The following TBC1D9 variants were observed in gnomAD, a reference collection of about 807,000 sequenced individuals.
The protein encoded by TBC1D9 is TBC1 domain family member 9A.
Under a neutral mutation model 132.0 loss-of-function variants are expected in TBC1D9, and 63 were observed. The observed-to-expected ratio is 0.48, with a 90% CI of 0.39 to 0.59. The LOEUF is 0.59. TBC1D9 is among the 20% of genes least tolerant of loss of function. The pLI is 0.00. For synonymous variants in TBC1D9, 610 were observed against 609.9 expected (o/e 1.00, Z 0.00); for missense variants, 1,261 against 1,592.7 (o/e 0.79, Z 3.54).
At position 140,639,121 on chromosome 4, in the gene TBC1D9, T is replaced by C. The variant is rs1218528590; in HGVS notation, c.2470A>G (p.Ile824Val). 2 of 1,589,966 alleles carry C rather than the reference T, an allele frequency of 1.3e-6. No homozygotes were observed. The highest frequency in any genetic ancestry group is 8.6e-7 in the Non-Finnish European group (1 of 1,166,922). ...GCATAAAGTTCTTCCAGCTCATCAA[T>C]GGTAAAGGAAGTTTCTGTCACAATG... ...RTIVTETSFT[I>V]DELEELYALF... The change falls in exon 15 of 21, where the codon ATT becomes GTT. Residue 824 changes from isoleucine to valine, a missense_variant. Physicochemically the swap from Ile to Val is conservative, Grantham distance 29. This residue lies in a region of TBC1D9 where 618 missense variants were observed against 724.4 expected (regional missense o/e 0.85). Coordinates refer to ENST00000442267, the MANE Select transcript of TBC1D9 (RefSeq NM_015130.3).
intron 13 of TBC1D9, chr4:140,643,360 G>T: frequency 7.6e-7 from 1 of 1,312,420 alleles, no homozygotes; most frequent in East Asian, 2.5e-5. Flanking sequence ...GTAGCACCTG[G>T]GGAGGGCAGA....
At chr4:140,708,492 G>A (rs542546362) in intron 1 of TBC1D9, among the ~76,000 whole-genome samples, 1 of 152,272 alleles carries the variant, frequency 6.6e-6, no homozygotes, top group Admixed American at 6.5e-5. Context: ...CAATAAACAA[G>A]AAAATTCACA....
At chr4:140,674,170 G>T (rs140533708) in intron 6 of TBC1D9, among the ~76,000 whole-genome samples, 6 of 152,126 alleles carry the variant, frequency 3.9e-5, no homozygotes, top group African/African-American at 7.2e-5. Context: ...ACATCCTATA[G>T]CAAAAACTAC....
chr4:140,637,673 T>A (rs1031981803), intron 15 of TBC1D9, among the ~76,000 whole-genome samples: 1 of 152,238 alleles, frequency 6.6e-6, no homozygotes, highest in African/African-American at 2.4e-5. Context: ...TGTGGAACAA[T>A]TAGCTACAGG....
At chr4:140,626,734 CCA>C (rs954962604) in intron 18 of TBC1D9, among the ~76,000 whole-genome samples, 8 of 152,202 alleles carry the variant, frequency 5.3e-5, no homozygotes, top group African/African-American at 1.9e-4. Flanking sequence ...GACCTATCAT[CCA>C]CAGAGAGCAG....
intron 3 of TBC1D9, among the ~76,000 whole-genome samples, chr4:140,682,733 A>T (rs1236486972): frequency 6.6e-6 from 1 of 152,206 alleles, no homozygotes; most frequent in Non-Finnish European, 1.5e-5. Flanking sequence ...AAGTGGGCTA[A>T]CATGCTATTC....
intron 20 of TBC1D9, 109 bp downstream of exon 20, chr4:140,624,007 C>CAA (rs3060669): frequency 0.64 from 542,835 of 842,462 alleles, 177,267 homozygotes; most frequent in African/African-American, 0.73. Flanking sequence ...GTAAAGGCCC[C>CAA]AGTTATTATT....
At chr4:140,724,635 A>G (rs1738470746) in intron 1 of TBC1D9, among the ~76,000 whole-genome samples, 1 of 151,686 alleles carries the variant, frequency 6.6e-6, no homozygotes, top group Non-Finnish European at 1.5e-5. Context: ...AATTAAGAGA[A>G]ATTGGAAAAA....
intron 2 of TBC1D9, among the ~76,000 whole-genome samples, chr4:140,697,426 C>T (rs760167800): frequency 1.3e-5 from 2 of 152,034 alleles, no homozygotes; most frequent in Non-Finnish European, 2.9e-5. Flanking sequence ...CAACAAAAAA[C>T]CACTTTCACA....
chr4:140,635,642 A>G (rs1056973645), intron 15 of TBC1D9, among the ~76,000 whole-genome samples: 5 of 152,166 alleles, frequency 3.3e-5, no homozygotes, highest in Non-Finnish European at 7.4e-5. Flanking sequence ...TCTTTTCACA[A>G]TTGTTTATTG....
At chr4:140,623,256 A>G (rs1736649626) in intron 20 of TBC1D9, among the ~76,000 whole-genome samples, 1 of 151,948 alleles carries the variant, frequency 6.6e-6, no homozygotes, top group African/African-American at 2.4e-5. Flanking sequence ...TTTTGTAGAG[A>G]TGGGGTTTCG....
At chr4:140,678,576 A>G (rs922679620) in intron 5 of TBC1D9, among the ~76,000 whole-genome samples, 1 of 152,084 alleles carries the variant, frequency 6.6e-6, no homozygotes, top group Non-Finnish European at 1.5e-5. Context: ...ATATCCAGGC[A>G]TGGATATGTA....
Position 140,756,251 on chromosome 4 carries a change from G to A in TBC1D9, c.-206C>T, listed in dbSNP as rs1003655394. 6.3e-6 allele frequency: 2 copies of A among 318,732 alleles called. No individual in the cohort carries two copies. Among genetic ancestry groups the A allele is most frequent in the Non-Finnish European group, 1.1e-5 (2 of 176,646 alleles). 19.7% of individuals were successfully genotyped at this position (318,732 alleles called of 1,614,324 possible). On this transcript the variant is annotated 5_prime_UTR_variant, in exon 1 of 21. Transcript: ENST00000442267. This position sits in a 1 kb window ranked among gnomAD's most constrained non-coding sequence, Gnocchi z 5.6. ...CCAGCAGGCGGCCCGGGAGGACGGT[G>A]AGGACGCGGGCGCGGCAAGCAGCAT... is the stretch of plus-strand genomic sequence containing the variant.
intron 1 of TBC1D9, among the ~76,000 whole-genome samples, chr4:140,709,191 C>T (rs1358130371): frequency 2.1e-5 from 3 of 144,378 alleles, no homozygotes; most frequent in East Asian, 4.5e-4. Flanking sequence ...AGGATGACAC[C>T]GTTACCTGTG....
intron 13 of TBC1D9, among the ~76,000 whole-genome samples, chr4:140,655,750 A>G (rs4400070): frequency 0.044 from 6,757 of 152,154 alleles, 501 homozygotes; most frequent in African/African-American, 0.15. Flanking sequence ...TGGACAAGAA[A>G]GCATCCTCCC....
chr4:140,723,506 G>T (rs958491735), intron 1 of TBC1D9, among the ~76,000 whole-genome samples: 10 of 151,978 alleles, frequency 6.6e-5, no homozygotes, highest in African/African-American at 2.4e-4. Flanking sequence ...GCTAATTTTT[G>T]TATTTTTAGT....
At chr4:140,672,726 C>A (rs532175100) in intron 6 of TBC1D9, among the ~76,000 whole-genome samples, 1 of 152,096 alleles carries the variant, frequency 6.6e-6, no homozygotes, top group Admixed American at 6.6e-5. Flanking sequence ...AAGCTCCCCG[C>A]CACCAGGAAA....
rs530960750 is a variant in TBC1D9 at position 140,646,052 on chromosome 4, C to T, written c.2338-6624G>A. Among the ~76,000 whole-genome samples the T allele has an allele frequency of 3.3e-5, 5 of 152,320 alleles. No homozygotes were observed. The South Asian group carries it at 8.3e-4, about 25-fold the overall frequency. On this transcript the variant is annotated intron_variant, in intron 13 of 20. Transcript: ENST00000442267. ...TGCTTAGTAAATCTATCACCACTTA[C>T]TCTATGGCAGAGACTGTGTGACCAG...
intron 13 of TBC1D9, chr4:140,644,889 C>A: frequency 2.3e-6 from 1 of 435,176 alleles, no homozygotes. Flanking sequence ...ACTGGTAGGG[C>A]GACAGCAGGG....
Sources: gnomAD v4.1 joint callset for allele counts (sites outside exome capture counted in the v4.1 genomes callset) on GRCh38, gnomAD v4.1.1 for gene constraint, gnomAD v4.1.1 regional missense constraint, Gnocchi (gnomAD v3.1) non-coding constraint, MANE v1.5 for transcripts, NCBI Gene and HGNC (gene_info 2026-07-23, HGNC 2026-07-21) for gene names.